Variants in COL24A1 observed in about 807,000 individuals in gnomAD.
COL24A1 encodes the protein collagen alpha-1(XXIV) chain.
Under a neutral mutation model 253.9 loss-of-function variants are expected in COL24A1, and 224 were observed. The observed-to-expected ratio is 0.88, with a 90% CI of 0.79 to 0.99. COL24A1 has a LOEUF of 0.99. Ranked by LOEUF, COL24A1 falls within the 50% of genes least tolerant of loss-of-function variation. The probability of loss-of-function intolerance (pLI) is 0.00; values close to 1 mark genes in which losing one functional copy is unlikely to be tolerated. For synonymous variants in COL24A1, 685 were observed against 673.7 expected, an observed-to-expected ratio of 1.02 and a Z score of -0.26; for missense variants, 2,131 against 2,068.5, an observed-to-expected ratio of 1.03 and a Z score of -0.59.
At chr1:85,756,279 C>T (rs947452300) in intron 55 of COL24A1, among the ~76,000 whole-genome samples, 8 of 151,788 alleles carry the variant, frequency 5.3e-5, no homozygotes, top group African/African-American at 9.7e-5. Context: ...ATTAGCCAGG[C>T]GTGGTGGAGG....
intron 43 of COL24A1, among the ~76,000 whole-genome samples, chr1:85,829,017 C>G (rs527404640): frequency 6.6e-6 from 1 of 152,134 alleles, no homozygotes; most frequent in African/African-American, 2.4e-5. Context: ...TCTTCCTAGT[C>G]TTGATGGTCT....
intron 24 of COL24A1, among the ~76,000 whole-genome samples, chr1:85,942,924 G>A (rs1161836823): frequency 6.6e-6 from 1 of 152,110 alleles, no homozygotes; most frequent in Non-Finnish European, 1.5e-5. Context: ...CTGGTATAAG[G>A]AATACCTAGG....
Position 86,097,528 on chromosome 1 carries a change from TCC to T in COL24A1, c.1600-5210_1600-5209del, listed in dbSNP as rs1557608807. ...TCTCCTCCTCCCTCCTCCTCCCTCC[TCC>T]CTCCTCCTCCCTCCTCCCTCCTCCT... is the stretch of plus-strand genomic sequence containing the variant. On this transcript the variant is annotated intron_variant, in intron 5 of 59. Transcript: ENST00000370571. Among the ~76,000 whole-genome samples, 28 of 6,008 alleles carry T rather than the reference TCC, an allele frequency of 4.7e-3. 2 individuals carry two copies. In the East Asian group the frequency reaches 0.05, roughly 11 times the overall value. 3.9% of individuals were successfully genotyped at this position (6,008 alleles called of 152,430 possible).
At chr1:86,112,480 G>T in intron 5 of COL24A1, 87 bp downstream of exon 5, 3 of 1,162,020 alleles carry the variant, frequency 2.6e-6, no homozygotes, top group South Asian at 2.8e-5. Context: ...ATCAAGACTT[G>T]CCTTAAATGT....
chr1:85,939,501 A>C (rs1257186577), intron 24 of COL24A1, among the ~76,000 whole-genome samples: 4 of 152,178 alleles, frequency 2.6e-5, no homozygotes, highest in African/African-American at 7.2e-5. Context: ...AGCATTTGGT[A>C]TGTATCCCAA....
chr1:85,869,717 C>A (rs1275478939), intron 35 of COL24A1, among the ~76,000 whole-genome samples: 1 of 152,154 alleles, frequency 6.6e-6, no homozygotes, highest in Non-Finnish European at 1.5e-5. Flanking sequence ...CGGAAAGGAA[C>A]AACCAGGACC....
intron 18 of COL24A1, among the ~76,000 whole-genome samples, chr1:86,018,775 G>C (rs1571618332): frequency 6.6e-6 from 1 of 152,056 alleles, no homozygotes; most frequent in Non-Finnish European, 1.5e-5. Context: ...AAAATCCCTA[G>C]CTAAAAAATG....
intron 36 of COL24A1, 62 bp downstream of exon 36, chr1:85,868,720 C>T (rs1398312574): frequency 7.1e-7 from 1 of 1,409,982 alleles, no homozygotes; most frequent in African/African-American, 1.5e-5. Flanking sequence ...ACAATGATGT[C>T]TAATATTTTA....
At chr1:86,127,080 G>A (rs545646948) in intron 2 of COL24A1, among the ~76,000 whole-genome samples, 1 of 152,140 alleles carries the variant, frequency 6.6e-6, no homozygotes, top group East Asian at 1.9e-4. Flanking sequence ...TGTGTGCTAC[G>A]CTTAAAGTAT....
chr1:86,017,406 T>C (rs535898583), intron 18 of COL24A1, among the ~76,000 whole-genome samples: 47 of 152,356 alleles, frequency 3.1e-4, no homozygotes, highest in African/African-American at 1.1e-3. Flanking sequence ...TAATATACAT[T>C]CACTCAAGTG....
intron 43 of COL24A1, among the ~76,000 whole-genome samples, chr1:85,830,277 C>G (rs996820555): frequency 2.0e-5 from 3 of 151,974 alleles, no homozygotes; most frequent in South Asian, 2.1e-4. Flanking sequence ...GCAGTCTGCC[C>G]GTTCTCAGAT....
At position 86,126,261 on chromosome 1, in the gene COL24A1, T is replaced by C. The variant is rs367938489; in HGVS notation, c.122-47A>G. ...AGAGAAAGAATCTTAATTTTATGGA[T>C]TCAAGTGTTCATATAAATGTTTGAA... On this transcript the variant is annotated intron_variant, in intron 2 of 59. Coordinates refer to ENST00000370571, the MANE Select transcript of COL24A1 (RefSeq NM_152890.7). 1.1e-4 allele frequency: 161 copies of C among 1,482,006 alleles called. No homozygotes were observed. The African/African-American group carries it at 2.0e-3, about 18-fold the overall frequency. The allele number at this position is 1,482,006 out of a possible 1,614,324, so 91.8% of individuals were successfully genotyped here.
chr1:85,942,454 T>C (rs1468408906), intron 24 of COL24A1, among the ~76,000 whole-genome samples: 1 of 152,218 alleles, frequency 6.6e-6, no homozygotes, highest in East Asian at 1.9e-4. Context: ...CTTTATACTG[T>C]GCCTTCCAAG....
intron 55 of COL24A1, among the ~76,000 whole-genome samples, chr1:85,747,148 G>A (rs1665315159): frequency 8.3e-6 from 1 of 120,152 alleles, no homozygotes; most frequent in Non-Finnish European, 1.6e-5. Context: ...GTCTCGCTCT[G>A]TCACCCAGGC....
intron 41 of COL24A1, 62 bp downstream of exon 41, chr1:85,842,006 C>A: frequency 6.9e-7 from 1 of 1,440,864 alleles, no homozygotes; most frequent in Non-Finnish European, 9.7e-7. Context: ...TGCAGTCTTT[C>A]AGGAATAATT....
At chr1:85,796,964 G>T (rs1297192423) in intron 47 of COL24A1, among the ~76,000 whole-genome samples, 3 of 151,942 alleles carry the variant, frequency 2.0e-5, no homozygotes, top group Admixed American at 2.0e-4. Context: ...ACTTTGGGAG[G>T]CTGAGGCGGG....
At chr1:86,090,928 G>A (rs1245857906) in intron 6 of COL24A1, among the ~76,000 whole-genome samples, 1 of 152,038 alleles carries the variant, frequency 6.6e-6, no homozygotes, top group East Asian at 1.9e-4. Context: ...CACAGGGAAA[G>A]ATAAAACCAA....
chr1:85,865,949 C>T (rs1224802070), intron 37 of COL24A1, among the ~76,000 whole-genome samples: 4 of 151,958 alleles, frequency 2.6e-5, no homozygotes, highest in Non-Finnish European at 4.4e-5. Flanking sequence ...CATGGGTAAG[C>T]GAGGCTTAGA....
At chr1:85,893,376 A>G (rs975988596) in intron 31 of COL24A1, among the ~76,000 whole-genome samples, 2 of 152,160 alleles carry the variant, frequency 1.3e-5, no homozygotes, top group East Asian at 1.9e-4. Context: ...AAAAATACAT[A>G]AAGAAAAATT....
Sources: allele counts gnomAD v4.1 joint callset (sites outside exome capture counted in the v4.1 genomes callset), GRCh38; gene constraint gnomAD v4.1.1; transcripts MANE v1.5; gene names NCBI Gene and HGNC (gene_info 2026-07-23, HGNC 2026-07-21).